Variants in NFS1 observed in about 807,000 individuals in gnomAD.
NFS1 encodes cysteine desulfurase.
Under a neutral mutation model 57.3 loss-of-function variants are expected in NFS1, and 26 were observed. The observed-to-expected ratio is 0.45, with a 90% CI of 0.33 to 0.63. The LOEUF (loss-of-function observed/expected upper bound fraction) is 0.63, where lower values mean the gene tolerates loss of function less well. Among genes scored for constraint, NFS1 ranks in the 20% least tolerant of loss-of-function variants. The probability of loss-of-function intolerance (pLI) is 0.02; values close to 1 mark genes in which losing one functional copy is unlikely to be tolerated. For missense variants in NFS1, 505 were observed against 605.8 expected (o/e 0.83, Z 1.75); for synonymous variants, 209 against 216.3 (o/e 0.97, Z 0.30).
chr20:35,674,986 C>G (rs2034716273), intron 8 of NFS1, 59 bp downstream of exon 8: 1 of 1,606,778 alleles, frequency 6.2e-7, no homozygotes, highest in Non-Finnish European at 8.5e-7. Context: ...TGAGAAGCCT[C>G]TAAATAGGAG....
At position 35,676,775 on chromosome 20, in the gene NFS1, A is replaced by AAAAAAAC. The variant is rs2034756061; in HGVS notation, c.791-1574_791-1573insGTTTTTT. ...GAAAATCAGAAAAAAAAAAAAAAAA[A>AAAAAAAC]AAAAAAAAAACCAAGAAAGAAATTA... On this transcript the variant is annotated intron_variant, in intron 7 of 12. Transcript: ENST00000374092. Among the ~76,000 whole-genome samples the AAAAAAAC allele has an allele frequency of 3.4e-5, 5 of 148,894 alleles. No individual in the cohort carries two copies. The South Asian group carries it at 1.1e-3, about 31-fold the overall frequency.
At chr20:35,690,862 G>A (rs998275554) in intron 4 of NFS1, among the ~76,000 whole-genome samples, 3 of 152,106 alleles carry the variant, frequency 2.0e-5, no homozygotes, top group African/African-American at 7.2e-5. Context: ...AGGGCTTCCC[G>A]AAGCCCGGTC....
Position 35,675,189 on chromosome 20 carries a change from G to C in NFS1, c.804C>G (p.Ile268Met), listed in dbSNP as rs765440352. The change falls in exon 8 of 13, where the codon ATC becomes ATG. Residue 268 changes from isoleucine (I) to methionine (M), a missense_variant. Transcript: ENST00000374092. Reference protein sequence around the residue: ...KIYGPKGVGAIYIRRRPRVRV... With the variant: ...KIYGPKGVGAMYIRRRPRVRV... ...GCACACGGGGCCGGCGACGGATGTA[G>C]ATGGCACCAACCCCTGGGAAACAAA... 6.2e-7 allele frequency: 1 copy of C among 1,611,502 alleles called. No homozygotes were observed. The highest frequency in any genetic ancestry group is 1.1e-5 in the South Asian group (1 of 90,840).
Position 35,669,651 on chromosome 20 carries a change from G to C in NFS1, c.1345C>G (p.Leu449Val), listed in dbSNP as rs180670660. 1.2e-6 allele frequency: 2 copies of C among 1,613,924 alleles called. No individual in the cohort carries two copies. Among genetic ancestry groups the C allele is most frequent in the East Asian group, 2.2e-5 (1 of 44,890 alleles). Residue 449 changes from leucine (L) to valine (V), a missense_variant, in exon 13 of 13, where the codon CTC becomes GTC. Physicochemically the swap from Leu to Val is conservative, Grantham distance 32. Transcript: ENST00000374092. ...LWEMVQDGID[L>V]KSIKWTQH ...TGTTGGGTCCACTTGATGCTCTTGA[G>C]GTCAATGCCATCCTGAACCATCTCC... is the stretch of plus-strand genomic sequence containing the variant.
At chr20:35,696,488 A>C in intron 3 of NFS1, 28 bp from the exon 4 acceptor site, 1 of 1,570,468 alleles carries the variant, frequency 6.4e-7, no homozygotes, top group Non-Finnish European at 8.8e-7. Context: ...GAGATATATA[A>C]CATCAGTTCC....
At chr20:35,698,878 A>G (rs2035191834) in intron 1 of NFS1, 1 of 1,342,758 alleles carries the variant, frequency 7.4e-7, no homozygotes, top group Non-Finnish European at 9.5e-7. Context: ...GTGGAGCCAG[A>G]GTAGGTGCAG....
chr20:35,685,795 T>C (rs1481264014), intron 5 of NFS1, among the ~76,000 whole-genome samples: 2 of 120,136 alleles, frequency 1.7e-5, no homozygotes, highest in East Asian at 5.8e-4. Flanking sequence ...GAGGCGGAGG[T>C]TGCGATGAGC....
Position 35,675,138 on chromosome 20 carries a change from C to A in NFS1, c.855G>T (p.Gly285=). Residue 285 remains glycine (G), a synonymous_variant, in exon 8 of 13, where the codon GGG becomes GGT. Coordinates refer to ENST00000374092, the MANE Select transcript of NFS1 (RefSeq NM_021100.5). ...CAGACCGCATACCCCGCTCCTGCCC[C>A]CCTCCACTCTGCAGGGCCTCCACAC... The part of the protein sequence containing the change: ...RVRVEALQSG[G]GQERGMRSGT... The A allele has an allele frequency of 1.2e-6, 2 of 1,613,974 alleles. No homozygotes were observed. The highest frequency in any genetic ancestry group is 1.7e-6 in the Non-Finnish European group (2 of 1,180,018).
intron 8 of NFS1, 57 bp from the exon 9 acceptor site, chr20:35,674,674 G>A: frequency 1.5e-6 from 2 of 1,349,008 alleles, no homozygotes; most frequent in Non-Finnish European, 2.1e-6. Context: ...CAGAAAGACA[G>A]TTTGAGAAGC....
chr20:35,685,580 C>T (rs6121028), intron 5 of NFS1, among the ~76,000 whole-genome samples: 10,031 of 145,524 alleles, frequency 0.069, 527 homozygotes, highest in South Asian at 0.18. Flanking sequence ...ATATAGCAGC[C>T]GGGCGCAGTG....
chr20:35,672,203 CCA>C (rs2034667111), intron 12 of NFS1, among the ~76,000 whole-genome samples: 1 of 151,790 alleles, frequency 6.6e-6, no homozygotes, highest in African/African-American at 2.4e-5. Flanking sequence ...TGTGATCCAC[CCA>C]CCTCAGCCTC....
chr20:35,688,032 T>C (rs1468074040), intron 5 of NFS1, among the ~76,000 whole-genome samples: 1 of 152,078 alleles, frequency 6.6e-6, no homozygotes, highest in Non-Finnish European at 1.5e-5. Flanking sequence ...TCACCATAAG[T>C]AAGGAGTTAG....
chr20:35,674,910 C>G, intron 8 of NFS1, 135 bp downstream of exon 8: 2 of 1,195,884 alleles, frequency 1.7e-6, no homozygotes, highest in Non-Finnish European at 2.4e-6. Context: ...AAGGTGCCAG[C>G]AGCACCAGGA....
chr20:35,669,632 G>A lies in NFS1; in HGVS notation c.1364C>T (p.Thr455Ile), dbSNP rs370448725. The part of the protein sequence containing the change: ...DGIDLKSIKW[T>I]QH The stretch of plus-strand genomic sequence containing the variant: ...CAGGGCCCTATTCTTCTAGTGTTGG[G>A]TCCACTTGATGCTCTTGAGGTCAAT... Residue 455 changes from threonine to isoleucine, a missense_variant, in exon 13 of 13, where the codon ACC becomes ATC. Coordinates refer to ENST00000374092, the MANE Select transcript of NFS1 (RefSeq NM_021100.5). 2.7e-5 allele frequency: 43 copies of A among 1,613,958 alleles called. No individual in the cohort carries two copies. Among genetic ancestry groups the A allele is most frequent in the Non-Finnish European group, 3.5e-5 (41 of 1,179,972 alleles).
intron 8 of NFS1, 95 bp downstream of exon 8, chr20:35,674,950 C>G: frequency 6.5e-7 from 1 of 1,531,880 alleles, no homozygotes; most frequent in South Asian, 1.1e-5. Flanking sequence ...GCCCTCTCTC[C>G]CTGCAGAGAT....
intron 1 of NFS1, 156 bp from the exon 2 acceptor site, chr20:35,698,746 T>C: frequency 4.2e-6 from 6 of 1,414,156 alleles, no homozygotes; most frequent in South Asian, 1.6e-5. Context: ...ACCAGATACC[T>C]GACACGCTGT....
Position 35,699,171 on chromosome 20 carries a change from G to T in NFS1, c.97+21C>A. On this transcript the variant is annotated intron_variant, in intron 1 of 12. Transcript: ENST00000374092. The surrounding 1 kb of genome is among the most constrained non-coding windows in gnomAD (Gnocchi z 4.4). The stretch of plus-strand genomic sequence containing the variant: ...GGAGGGGACAGGTCCGCGCCTCCCG[G>T]AGAGCGGGACCCGAGCGTACCGCGC... 2.9e-6 allele frequency: 4 copies of T among 1,390,056 alleles called. No homozygotes were observed. Among genetic ancestry groups the T allele is most frequent in the Non-Finnish European group, 2.8e-6 (3 of 1,081,528 alleles). 86.1% of individuals were successfully genotyped at this position (1,390,056 alleles called of 1,614,324 possible). A position where few individuals can be genotyped will look rare whatever the true frequency, so the allele number is the denominator to read the frequency against.
chr20:35,678,529 A>C (rs1194833351), intron 7 of NFS1, among the ~76,000 whole-genome samples: 2 of 114,642 alleles, frequency 1.7e-5, no homozygotes, highest in South Asian at 6.8e-4. Context: ...ACTTTGTCTC[A>C]AAAAAAAAAA....
intron 6 of NFS1, 33 bp from the exon 7 acceptor site, chr20:35,680,904 A>C (rs771497819): frequency 2.1e-6 from 3 of 1,444,500 alleles, no homozygotes; most frequent in Non-Finnish European, 2.7e-6. Flanking sequence ...CCACAGCACA[A>C]TGTTGGAAAG....
Sources: gnomAD v4.1 joint callset for allele counts (sites outside exome capture counted in the v4.1 genomes callset) on GRCh38, gnomAD v4.1.1 for gene constraint, Gnocchi (gnomAD v3.1) non-coding constraint, MANE v1.5 for transcripts, NCBI Gene and HGNC (gene_info 2026-07-23, HGNC 2026-07-21) for gene names.